Variants in C1QL1 observed in about 807,000 individuals in gnomAD.
C1QL1 encodes complement C1q like 1.
In C1QL1, 15 loss-of-function variants were observed where a neutral mutation model predicts 14.2. The observed-to-expected ratio is 1.06, with a 90% CI of 0.71 to 1.62. The LOEUF is 1.62. Ranked by LOEUF, C1QL1 falls within the 40% of genes most tolerant of loss-of-function variation. The pLI, the probability that C1QL1 is intolerant of heterozygous loss-of-function variation, is 0.00. For synonymous variants in C1QL1, 172 were observed against 172.4 expected, an observed-to-expected ratio of 1.00 and a Z score of 0.02; for missense variants, 346 against 380.3, an observed-to-expected ratio of 0.91 and a Z score of 0.75.
At position 44,960,172 on chromosome 17, in the gene C1QL1, G is replaced by C; in HGVS notation, c.*16C>G. 6.2e-7 allele frequency: 1 copy of C among 1,612,326 alleles called. No individual in the cohort carries two copies. The highest frequency in any genetic ancestry group is 8.5e-7 in the Non-Finnish European group (1 of 1,178,628). On this transcript the variant is annotated 3_prime_UTR_variant, in exon 2 of 2. Transcript: ENST00000253407. ...CCGGCGGGTGAGGGACGTGGGTGGA[G>C]GGAGACGTGGGGAGCTCAGTCGGAG...
At position 44,960,136 on chromosome 17, in the gene C1QL1, C is replaced by T. The variant is rs1442404314; in HGVS notation, c.*52G>A. ...GGGGCGAGTCATCGTCTGCCCCGCC[C>T]GGAGGGGACCCCGGCGGGTGAGGGA... is the stretch of plus-strand genomic sequence containing the variant. On this transcript the variant is annotated 3_prime_UTR_variant, in exon 2 of 2. Coordinates refer to ENST00000253407, the MANE Select transcript of C1QL1 (RefSeq NM_006688.5). 3.2e-6 allele frequency: 5 copies of T among 1,557,910 alleles called. No individual in the cohort carries two copies. The highest frequency in any genetic ancestry group is 4.4e-6 in the Non-Finnish European group (5 of 1,132,568).
chr17:44,965,991 C>G (rs2052655292), intron 1 of C1QL1, among the ~76,000 whole-genome samples: 2 of 152,172 alleles, frequency 1.3e-5, no homozygotes. Flanking sequence ...AGAGGAGAGA[C>G]ACGGGGATGT....
Position 44,967,968 on chromosome 17 carries a change from G to A in C1QL1, c.81C>T (p.Thr27=). 7.4e-7 allele frequency: 1 copy of A among 1,358,942 alleles called. No individual in the cohort carries two copies. Among genetic ancestry groups the A allele is most frequent in the South Asian group, 1.9e-5 (1 of 53,142 alleles). The allele number at this position is 1,358,942 out of a possible 1,614,324, so 84.2% of individuals were successfully genotyped here. ...GGTAGGGGTCGCACACCATGCGGCA[G>A]GTGCCCAGCATCTCATAGTGGCCTT... is the stretch of plus-strand genomic sequence containing the variant. ...GPEGHYEMLG[T]CRMVCDPYPA... Residue 27 remains threonine (T), a synonymous_variant, in exon 1 of 2, where the codon ACC becomes ACT. Transcript: ENST00000253407. The surrounding 1 kb of genome is among the most constrained non-coding windows in gnomAD (Gnocchi z 7.0).
Position 44,959,990 on chromosome 17 carries a change from G to A in C1QL1, c.*198C>T. On this transcript the variant is annotated 3_prime_UTR_variant, in exon 2 of 2. Coordinates refer to ENST00000253407, the MANE Select transcript of C1QL1 (RefSeq NM_006688.5). ...CCCCGGTTCCCTGGCACGGGGACAG[G>A]GCGCGCTGGGCCCGGCTCTGCAGCG... 1 of 579,848 alleles carries A rather than the reference G, an allele frequency of 1.7e-6. No homozygotes were observed. Among genetic ancestry groups the A allele is most frequent in the South Asian group, 2.1e-5 (1 of 48,272 alleles). The allele number at this position is 579,848 out of a possible 1,614,324, so 35.9% of individuals were successfully genotyped here.
chr17:44,967,930 G>T lies in C1QL1; in HGVS notation c.119C>A (p.Pro40His). ...GCCGTCGGTCCGCGCGCCGGCGCCG[G>T]GGCCCCGCGCGGGGTAGGGGTCGCA... ...MVCDPYPARG[P>H]GAGARTDGGD... Residue 40 changes from proline (P) to histidine (H), a missense_variant, in exon 1 of 2, where the codon CCC (proline) becomes CAC (histidine). Transcript: ENST00000253407. The surrounding 1 kb of genome is among the most constrained non-coding windows in gnomAD (Gnocchi z 7.0). 1 of 1,277,980 alleles carries T rather than the reference G, an allele frequency of 7.8e-7. No individual in the cohort carries two copies. Among genetic ancestry groups the T allele is most frequent in the East Asian group, 3.1e-5 (1 of 32,512 alleles). The allele number at this position is 1,277,980 out of a possible 1,614,324, so 79.2% of individuals were successfully genotyped here. A position where few individuals can be genotyped will look rare whatever the true frequency, so the allele number is the denominator to read the frequency against.
At position 44,964,140 on chromosome 17, in the gene C1QL1, G is replaced by T. The variant is rs965848394; in HGVS notation, c.597+3312C>A. Among the ~76,000 whole-genome samples the T allele has an allele frequency of 2.0e-5, 3 of 152,206 alleles. No individual in the cohort carries two copies. In the South Asian group the frequency reaches 6.2e-4, roughly 31 times the overall value. ...AGGGAGCCTCAGTGCCAGGCATGAA[G>T]GTGGTGCTCCCCATCCCGAACTTGC... On this transcript the variant is annotated intron_variant, in intron 1 of 1. Coordinates refer to ENST00000253407, the MANE Select transcript of C1QL1 (RefSeq NM_006688.5).
chr17:44,967,683 G>A lies in C1QL1; in HGVS notation c.366C>T (p.Ala122=), dbSNP rs767366018. The A allele has an allele frequency of 3.1e-6, 5 of 1,612,954 alleles. No individual in the cohort carries two copies. Among genetic ancestry groups the A allele is most frequent in the East Asian group, 4.5e-5 (2 of 44,846 alleles). ...GAGGSGAIST[A]TYTTVPRVAF... is the part of the protein sequence containing the mutation. ...CCACGCGCGGCACCGTGGTGTAGGT[G>A]GCAGTGCTGATGGCGCCGCTGCCCC... The change falls in exon 1 of 2, where the codon GCC becomes GCT. Residue 122 remains alanine, a synonymous_variant. Transcript: ENST00000253407. The surrounding 1 kb of genome is among the most constrained non-coding windows in gnomAD (Gnocchi z 7.0).
Position 44,961,010 on chromosome 17 carries a change from G to T in C1QL1, c.598-643C>A, listed in dbSNP as rs991713013. On this transcript the variant is annotated intron_variant, in intron 1 of 1. Transcript: ENST00000253407. The stretch of plus-strand genomic sequence containing the variant: ...TTTCCCCTCCCAGAGTTTAGAAGGG[G>T]CCTGGGTGCCAGCCTCCATGGAGCT... Among the ~76,000 whole-genome samples, 9 of 152,350 alleles carry T rather than the reference G, an allele frequency of 5.9e-5. No homozygotes were observed. In the East Asian group the frequency reaches 9.6e-4, roughly 16 times the overall value.
Position 44,968,024 on chromosome 17 carries a change from T to C in C1QL1, c.25A>G (p.Ile9Val). 2 of 1,376,948 alleles carry C rather than the reference T, an allele frequency of 1.5e-6. No individual in the cohort carries two copies. The highest frequency in any genetic ancestry group is 2.0e-4 in the Middle Eastern group (1 of 4,944). The allele number at this position is 1,376,948 out of a possible 1,614,324, so 85.3% of individuals were successfully genotyped here. A position where few individuals can be genotyped will look rare whatever the true frequency, so the allele number is the denominator to read the frequency against. MLLVLVVLIPVLVSSGGPE... is the reference protein window; with the variant it reads MLLVLVVLVPVLVSSGGPE... ...CCGCCCGAGCTCACCAGCACGGGGATGAGCACCACCAGCACCAGCAGCATC... is the reference window on the plus strand; with the variant it reads ...CCGCCCGAGCTCACCAGCACGGGGACGAGCACCACCAGCACCAGCAGCATC... The change falls in exon 1 of 2, where the codon ATC becomes GTC. Residue 9 changes from isoleucine (I) to valine (V), a missense_variant. Coordinates refer to ENST00000253407, the MANE Select transcript of C1QL1 (RefSeq NM_006688.5).
chr17:44,960,543 C>T (rs2052622119), intron 1 of C1QL1, among the ~76,000 whole-genome samples, 176 bp from the exon 2 acceptor site: 1 of 152,182 alleles, frequency 6.6e-6, no homozygotes, highest in African/African-American at 2.4e-5. Context: ...GGACTTGTTT[C>T]AGGAAAGGGG....
At chr17:44,960,795 C>A (rs377248765) in intron 1 of C1QL1, among the ~76,000 whole-genome samples, 13 of 152,364 alleles carry the variant, frequency 8.5e-5, no homozygotes, top group African/African-American at 2.4e-4. Context: ...GCCATCGTTT[C>A]AGCCACACCC....
rs868715822 is a variant in C1QL1, at chr17:44,968,114, C to G, written c.-66G>C. ...GCGCGGAGCCTGGGGAGCGCCGGGCCGCCCGGCCGCGCCGTCGGGGCAATG... is the reference window on the plus strand; with the variant it reads ...GCGCGGAGCCTGGGGAGCGCCGGGCGGCCCGGCCGCGCCGTCGGGGCAATG... On this transcript the variant is annotated 5_prime_UTR_variant, in exon 1 of 2. Transcript: ENST00000253407. 53 of 1,040,894 alleles carry G rather than the reference C, an allele frequency of 5.1e-5. No homozygotes were observed. The African/African-American group carries it at 8.4e-4, about 17-fold the overall frequency. 64.5% of individuals were successfully genotyped at this position (1,040,894 alleles called of 1,614,324 possible).
chr17:44,960,167 G>C lies in C1QL1; in HGVS notation c.*21C>G, dbSNP rs767656557. On this transcript the variant is annotated 3_prime_UTR_variant, in exon 2 of 2. Transcript: ENST00000253407. Reference sequence around the variant, plus strand: ...GGACCCCGGCGGGTGAGGGACGTGGGTGGAGGGAGACGTGGGGAGCTCAGT... The same window carrying C: ...GGACCCCGGCGGGTGAGGGACGTGGCTGGAGGGAGACGTGGGGAGCTCAGT... The C allele has an allele frequency of 6.2e-7, 1 of 1,611,624 alleles. No homozygotes were observed. Among genetic ancestry groups the C allele is most frequent in the African/African-American group, 1.3e-5 (1 of 74,904 alleles).
intron 1 of C1QL1, 69 bp from the exon 2 acceptor site, chr17:44,960,436 G>T: frequency 8.9e-7 from 1 of 1,123,814 alleles, no homozygotes. Context: ...AGGTGAGGCA[G>T]TCCCGTGGGG....
At chr17:44,965,896 T>C (rs1252054672) in intron 1 of C1QL1, among the ~76,000 whole-genome samples, 1 of 152,164 alleles carries the variant, frequency 6.6e-6, no homozygotes, top group Non-Finnish European at 1.5e-5. Context: ...TTATTGGTGA[T>C]TAATAGGGGG....
rs762808816 is a variant in C1QL1 at position 44,967,492 on chromosome 17, T to C, written c.557A>G (p.Asp186Gly). 2.1e-5 allele frequency: 34 copies of C among 1,613,886 alleles called. No individual in the cohort carries two copies. The highest frequency in any genetic ancestry group is 2.8e-5 in the Non-Finnish European group (33 of 1,179,906). The change falls in exon 1 of 2, where the codon GAC becomes GGC. Residue 186 changes from aspartate to glycine, a missense_variant. Coordinates refer to ENST00000253407, the MANE Select transcript of C1QL1 (RefSeq NM_006688.5). This position sits in a 1 kb window ranked among gnomAD's most constrained non-coding sequence, Gnocchi z 7.0. ...GAGGTCTGCCCACATACTGGTGCCGTCGCCGCCGCGCATGAGGACATGGTA... is the reference window on the plus strand; with the variant it reads ...GAGGTCTGCCCACATACTGGTGCCGCCGCCGCCGCGCATGAGGACATGGTA... ...FTYHVLMRGGDGTSMWADLCK... is the reference protein window; with the variant it reads ...FTYHVLMRGGGGTSMWADLCK...
chr17:44,963,069 C>G (rs1385897428), intron 1 of C1QL1, among the ~76,000 whole-genome samples: 1 of 152,088 alleles, frequency 6.6e-6, no homozygotes, highest in African/African-American at 2.4e-5. Context: ...ATGAGGTTGC[C>G]AAGGAAGCAG....
At chr17:44,961,454 C>T (rs1229696426) in intron 1 of C1QL1, among the ~76,000 whole-genome samples, 2 of 151,994 alleles carry the variant, frequency 1.3e-5, no homozygotes, top group Non-Finnish European at 2.9e-5. Flanking sequence ...ATTAGCTAGG[C>T]ATAGTGGCAC....
At position 44,968,149 on chromosome 17, in the gene C1QL1, G is replaced by T; in HGVS notation, c.-101C>A. ...CGCCGTCGGGGCAATGGTGCCGGCG[G>T]GCAGGGGGCGCGGGCTAGGCGCCCG... On this transcript the variant is annotated 5_prime_UTR_variant, in exon 1 of 2. Transcript: ENST00000253407. 1 of 694,696 alleles carries T rather than the reference G, an allele frequency of 1.4e-6. No homozygotes were observed. The highest frequency in any genetic ancestry group is 6.8e-5 in the South Asian group (1 of 14,804). 43.0% of individuals were successfully genotyped at this position (694,696 alleles called of 1,614,324 possible).
Sources: allele counts gnomAD v4.1 joint callset (sites outside exome capture counted in the v4.1 genomes callset), GRCh38; gene constraint gnomAD v4.1.1; non-coding constraint Gnocchi (gnomAD v3.1); transcripts MANE v1.5; gene names NCBI Gene and HGNC (gene_info 2026-07-23, HGNC 2026-07-21).